ASIC2: variants seen among roughly 807,000 people sequenced by gnomAD.
The protein encoded by ASIC2 is acid sensing ion channel subunit 2, also known as acid-sensing ion channel 2.
A neutral mutation model predicts 57.3 loss-of-function variants in ASIC2; 25 were observed. The ratio of observed to expected loss-of-function variants is 0.44; its 90% confidence interval spans 0.32 to 0.61. The LOEUF is 0.61. ASIC2 is among the 20% of genes least tolerant of loss of function. The probability of loss-of-function intolerance (pLI) is 0.06; values close to 1 mark genes in which losing one functional copy is unlikely to be tolerated. For missense variants in ASIC2, 641 were observed against 738.1 expected, an observed-to-expected ratio of 0.87 and a Z score of 1.52; for synonymous variants, 319 against 307.5, an observed-to-expected ratio of 1.04 and a Z score of -0.39.
intron 1 of ASIC2, among the ~76,000 whole-genome samples, chr17:33,212,969 G>A (rs547719069): frequency 3.3e-5 from 5 of 152,290 alleles, no homozygotes; most frequent in Admixed American, 6.5e-5. Context: ...TGCAAGTGTC[G>A]TGACTTCTCA....
At chr17:33,286,425 G>GT (rs1567810734) in intron 1 of ASIC2, among the ~76,000 whole-genome samples, 1 of 152,152 alleles carries the variant, frequency 6.6e-6, no homozygotes, top group Non-Finnish European at 1.5e-5. Context: ...AGAAGTCAGA[G>GT]TTTTGCTGCA....
At chr17:33,278,512 C>T (rs1904802943) in intron 1 of ASIC2, among the ~76,000 whole-genome samples, 1 of 151,448 alleles carries the variant, frequency 6.6e-6, no homozygotes, top group Non-Finnish European at 1.5e-5. Flanking sequence ...AATTGATGGG[C>T]TTCTCCCCTA....
chr17:33,201,079 T>G (rs947078508), intron 1 of ASIC2, among the ~76,000 whole-genome samples: 4 of 152,166 alleles, frequency 2.6e-5, no homozygotes, highest in Non-Finnish European at 5.9e-5. Context: ...ACCTAAAATT[T>G]CACCTCCCAA....
At chr17:33,399,086 A>G (rs1910187074) in intron 1 of ASIC2, among the ~76,000 whole-genome samples, 1 of 152,162 alleles carries the variant, frequency 6.6e-6, no homozygotes, top group Non-Finnish European at 1.5e-5. Context: ...AGAGAAGAAT[A>G]CCATATAGAG....
intron 1 of ASIC2, among the ~76,000 whole-genome samples, chr17:33,637,479 T>G (rs1906409910): frequency 6.6e-6 from 1 of 152,084 alleles, no homozygotes; most frequent in South Asian, 2.1e-4. Context: ...CTAAATACAT[T>G]TTTGTTGGGG....
intron 3 of ASIC2, among the ~76,000 whole-genome samples, chr17:33,059,983 C>T (rs551809349): frequency 1.3e-5 from 2 of 152,278 alleles, no homozygotes; most frequent in South Asian, 4.1e-4. Flanking sequence ...TGTTCATATC[C>T]TTTGCCCACT....
At chr17:33,830,584 A>G (rs957862465) in intron 1 of ASIC2, among the ~76,000 whole-genome samples, 4 of 151,988 alleles carry the variant, frequency 2.6e-5, no homozygotes, top group African/African-American at 4.8e-5. Context: ...TCTGGAATAT[A>G]TATGCAGAAA....
At chr17:33,289,709 G>A (rs1905340171) in intron 1 of ASIC2, among the ~76,000 whole-genome samples, 1 of 152,150 alleles carries the variant, frequency 6.6e-6, no homozygotes, top group Non-Finnish European at 1.5e-5. Flanking sequence ...ATTAACGCAG[G>A]GCTGCGGTGA....
rs113121166 is a variant in ASIC2 at position 34,063,529 on chromosome 17, C to G, written c.555+92449G>C. ...GGAAGTCCTAGCCAGAGCAATCAGA[C>G]AAGAGAAAGAAATAAAGGGCATCCA... On this transcript the variant is annotated intron_variant, in intron 1 of 9. Coordinates refer to the ASIC2 transcript ENST00000359872. Among the ~76,000 whole-genome samples the G allele has an allele frequency of 8.0e-4, 122 of 152,188 alleles. 2 individuals carry two copies. Among genetic ancestry groups the G allele is most frequent in the Non-Finnish European group, 1.3e-3 (91 of 68,000 alleles).
chr17:34,148,644 A>G (rs190792364), intron 1 of ASIC2, among the ~76,000 whole-genome samples: 1 of 152,262 alleles, frequency 6.6e-6, no homozygotes, highest in East Asian at 1.9e-4. Flanking sequence ...ACCAGAGTTG[A>G]CTCAAACTTG....
intron 1 of ASIC2, among the ~76,000 whole-genome samples, chr17:33,232,408 T>C (rs1407474071): frequency 6.9e-6 from 1 of 144,002 alleles, no homozygotes; most frequent in African/African-American, 2.8e-5. Context: ...TGGTATGGAA[T>C]GGTATGGTAT....
At chr17:33,678,774 G>A (rs3103657) in intron 1 of ASIC2, among the ~76,000 whole-genome samples, 27,329 of 152,048 alleles carry the variant, frequency 0.18, 2,606 homozygotes, top group African/African-American at 0.23. Context: ...CAGAGCAAAT[G>A]AGAGTGCCCA....
At chr17:34,079,939 G>T (rs1018473759) in intron 1 of ASIC2, among the ~76,000 whole-genome samples, 1 of 151,744 alleles carries the variant, frequency 6.6e-6, no homozygotes, top group Non-Finnish European at 1.5e-5. Context: ...CCACTTTACC[G>T]GAATTTCTAT....
chr17:33,620,455 T>C (rs1423688528), intron 1 of ASIC2, among the ~76,000 whole-genome samples: 1 of 152,170 alleles, frequency 6.6e-6, no homozygotes, highest in African/African-American at 2.4e-5. Context: ...GTCAATAAAG[T>C]CCATTTGTCT....
chr17:33,171,325 A>G (rs906716873), intron 1 of ASIC2, among the ~76,000 whole-genome samples: 8 of 152,202 alleles, frequency 5.3e-5, no homozygotes, highest in African/African-American at 1.9e-4. Context: ...CCCATTGCTT[A>G]CTTAATATGT....
intron 1 of ASIC2, among the ~76,000 whole-genome samples, chr17:34,114,673 T>C (rs1321462228): frequency 6.6e-6 from 1 of 152,180 alleles, no homozygotes; most frequent in Admixed American, 6.5e-5. Context: ...TGTTTCTGTG[T>C]TGAAAACAGT....
intron 1 of ASIC2, among the ~76,000 whole-genome samples, chr17:33,877,719 G>C (rs145296232): frequency 1.3e-5 from 2 of 152,246 alleles, no homozygotes; most frequent in African/African-American, 4.8e-5. Context: ...AGAAACCTCT[G>C]CAGACTTAAA....
At chr17:34,151,775 C>A (rs1358918777) in intron 1 of ASIC2, among the ~76,000 whole-genome samples, 4 of 152,266 alleles carry the variant, frequency 2.6e-5, no homozygotes, top group African/African-American at 4.8e-5. Context: ...GGACACTAAG[C>A]AAAGCAAGAG....
intron 3 of ASIC2, among the ~76,000 whole-genome samples, chr17:33,032,710 G>A (rs562805836): frequency 6.6e-6 from 1 of 152,180 alleles, no homozygotes; most frequent in South Asian, 2.1e-4. Flanking sequence ...CAGCCTCCCA[G>A]GTGCTGGGAT....
Sources: allele counts gnomAD v4.1 joint callset (sites outside exome capture counted in the v4.1 genomes callset), GRCh38; gene constraint gnomAD v4.1.1; transcripts MANE v1.5; gene names NCBI Gene and HGNC (gene_info 2026-07-23, HGNC 2026-07-21).